Variants in SENP6 observed in about 807,000 individuals in gnomAD.
SENP6 encodes SUMO specific peptidase 6, also known as sentrin-specific protease 6.
In SENP6, 41 loss-of-function variants were observed where a neutral mutation model predicts 134.5. That is an observed-to-expected ratio of 0.30 (90% CI 0.24 to 0.40). The LOEUF (loss-of-function observed/expected upper bound fraction) is 0.40. Among genes scored for constraint, SENP6 ranks in the 10% least tolerant of loss-of-function variants. The probability of loss-of-function intolerance (pLI) is 1.00; values close to 1 mark genes in which losing one functional copy is unlikely to be tolerated. For synonymous variants in SENP6, 395 were observed against 429.8 expected (o/e 0.92, Z 1.00); for missense variants, 1,248 against 1,312.5 (o/e 0.95, Z 0.76).
Position 75,623,827 on chromosome 6 carries a change from G to A in SENP6, c.147-73G>A, listed in dbSNP as rs1260383950. 3.7e-6 allele frequency: 5 copies of A among 1,335,118 alleles called. No homozygotes were observed. In the African/African-American group the frequency reaches 5.9e-5, roughly 16 times the overall value. 82.7% of individuals were successfully genotyped at this position (1,335,118 alleles called of 1,614,324 possible). ...ATTCCCTGAATTAGGTGAACATAGA[G>A]GATAAAACCTCAGAATTTAATATAA... On this transcript the variant is annotated intron_variant, in intron 2 of 23. Coordinates refer to ENST00000447266, the MANE Select transcript of SENP6 (RefSeq NM_015571.4).
At chr6:75,642,876 C>CG (rs1770134488) in intron 6 of SENP6, among the ~76,000 whole-genome samples, 1 of 152,102 alleles carries the variant, frequency 6.6e-6, no homozygotes, top group Non-Finnish European at 1.5e-5. Context: ...GTACTCAAAA[C>CG]TATCTCAGCA....
intron 7 of SENP6, among the ~76,000 whole-genome samples, chr6:75,657,190 T>A (rs934710839): frequency 2.6e-5 from 4 of 152,192 alleles, no homozygotes; most frequent in Non-Finnish European, 5.9e-5. Flanking sequence ...TGTAGGGGCT[T>A]ATGTTTTAAG....
chr6:75,696,370 C>A (rs2133192), intron 17 of SENP6, among the ~76,000 whole-genome samples: 1 of 151,946 alleles, frequency 6.6e-6, no homozygotes, highest in Non-Finnish European at 1.5e-5. Context: ...CCTAGATGTT[C>A]ATCCATAATA....
At chr6:75,696,077 G>T (rs531427977) in intron 17 of SENP6, among the ~76,000 whole-genome samples, 154 bp downstream of exon 17, 1 of 152,106 alleles carries the variant, frequency 6.6e-6, no homozygotes, top group African/African-American at 2.4e-5. Context: ...AAATAAATCA[G>T]TTCCATTTTC....
intron 5 of SENP6, among the ~76,000 whole-genome samples, chr6:75,636,614 T>C (rs1227903919): frequency 6.6e-6 from 1 of 152,078 alleles, no homozygotes; most frequent in Non-Finnish European, 1.5e-5. Context: ...AGGGCAGCAG[T>C]AGAGCTATAC....
At chr6:75,676,995 T>C in intron 13 of SENP6, 35 bp from the exon 14 acceptor site, 1 of 939,924 alleles carries the variant, frequency 1.1e-6, no homozygotes, top group Admixed American at 2.5e-5. Flanking sequence ...ACTTCTTTTG[T>C]GTTTTTTTTT....
At chr6:75,705,925 CTTTTTT>C (rs71544062) in intron 19 of SENP6, among the ~76,000 whole-genome samples, 9 of 47,974 alleles carry the variant, frequency 1.9e-4, no homozygotes, top group African/African-American at 3.2e-4. Flanking sequence ...ATTTTTGAGC[CTTTTTT>C]TTTTTTTTTT....
chr6:75,682,368 T>A (rs1397541586), intron 16 of SENP6, among the ~76,000 whole-genome samples: 1 of 151,334 alleles, frequency 6.6e-6, no homozygotes, highest in Non-Finnish European at 1.5e-5. Flanking sequence ...GACAACACCA[T>A]CAACCAGCAG....
intron 16 of SENP6, among the ~76,000 whole-genome samples, chr6:75,687,280 T>C (rs1773913482): frequency 1.3e-5 from 2 of 152,220 alleles, no homozygotes; most frequent in South Asian, 2.1e-4. Context: ...CACTCTTTAT[T>C]CTAGTTAGCT....
chr6:75,625,840 G>A (rs770913419), intron 3 of SENP6, among the ~76,000 whole-genome samples: 4 of 152,188 alleles, frequency 2.6e-5, no homozygotes, highest in Non-Finnish European at 4.4e-5. Context: ...CTGCACTCCA[G>A]CCTGGGTGAC....
At chr6:75,615,054 C>T (rs1285317423) in intron 1 of SENP6, among the ~76,000 whole-genome samples, 1 of 152,126 alleles carries the variant, frequency 6.6e-6, no homozygotes, top group Admixed American at 6.6e-5. Context: ...CCACACCCAG[C>T]TCATTTTTGT....
intron 4 of SENP6, among the ~76,000 whole-genome samples, chr6:75,634,446 G>A (rs976506155): frequency 1.3e-5 from 2 of 151,996 alleles, no homozygotes; most frequent in African/African-American, 2.4e-5. Flanking sequence ...CGGGGTTACA[G>A]CATGTTGGCT....
chr6:75,667,211 T>C (rs140916515), intron 10 of SENP6, among the ~76,000 whole-genome samples: 2 of 152,298 alleles, frequency 1.3e-5, no homozygotes, highest in Admixed American at 6.5e-5. Context: ...AAATTTCTTA[T>C]AAAATCTAGC....
At chr6:75,624,750 G>A (rs966597023) in intron 3 of SENP6, among the ~76,000 whole-genome samples, 2 of 151,848 alleles carry the variant, frequency 1.3e-5, no homozygotes, top group Non-Finnish European at 2.9e-5. Context: ...TTTATATTTA[G>A]TCTAAGACAC....
chr6:75,695,302 G>A (rs945479222), intron 16 of SENP6, among the ~76,000 whole-genome samples: 2 of 152,156 alleles, frequency 1.3e-5, no homozygotes, highest in Non-Finnish European at 2.9e-5. Context: ...AGATCTTTAT[G>A]TTATAATTTT....
chr6:75,621,401 CAA>C, intron 1 of SENP6, 129 bp from the exon 2 acceptor site: 3 of 592,610 alleles, frequency 5.1e-6, no homozygotes, highest in East Asian at 6.4e-5. Flanking sequence ...CAAATGTTTA[CAA>C]AAAATAGACA....
chr6:75,684,210 G>A (rs535591090), intron 16 of SENP6, among the ~76,000 whole-genome samples: 1 of 152,232 alleles, frequency 6.6e-6, no homozygotes, highest in South Asian at 2.1e-4. Flanking sequence ...TCTGTTAATG[G>A]TGTATAGGAA....
intron 5 of SENP6, among the ~76,000 whole-genome samples, chr6:75,635,441 A>G (rs1312780606): frequency 6.6e-6 from 1 of 152,162 alleles, no homozygotes; most frequent in Admixed American, 6.5e-5. Context: ...GTAACATTTT[A>G]AGATTTGGCA....
chr6:75,676,006 A>G lies in SENP6; in HGVS notation c.1573A>G (p.Lys525Glu), dbSNP rs921894448. ...GCTGAGCATCCAACTGCAAATGAAT[A>G]AGGAGGATAAAGTTTGGAATGATTG... Reference protein sequence around the residue: ...QKLSIQLQMNKEDKVWNDCKG... With the variant: ...QKLSIQLQMNEEDKVWNDCKG... The change falls in exon 13 of 24, where the codon AAG (lysine) becomes GAG (glutamate). Residue 525 changes from lysine (K) to glutamate (E), a missense_variant. Physicochemically the swap from Lys to Glu is moderately conservative, Grantham distance 56. This residue lies in a region of SENP6 where 733 missense variants were observed against 725.4 expected (regional missense o/e 1.01). Coordinates refer to ENST00000447266, the MANE Select transcript of SENP6 (RefSeq NM_015571.4). The G allele has an allele frequency of 3.1e-6, 5 of 1,610,288 alleles. No individual in the cohort carries two copies. The highest frequency in any genetic ancestry group is 1.3e-5 in the African/African-American group (1 of 74,730).
Sources: allele counts gnomAD v4.1 joint callset (sites outside exome capture counted in the v4.1 genomes callset), GRCh38; gene constraint gnomAD v4.1.1; regional missense constraint gnomAD v4.1.1; transcripts MANE v1.5; gene names NCBI Gene and HGNC (gene_info 2026-07-23, HGNC 2026-07-21).